The following RIMS1 variants were observed in gnomAD, a reference collection of about 807,000 sequenced individuals.
The protein encoded by RIMS1 is regulating synaptic membrane exocytosis protein 1.
A neutral mutation model predicts 214.1 loss-of-function variants in RIMS1; 83 were observed. The ratio of observed to expected loss-of-function variants is 0.39; its 90% confidence interval spans 0.32 to 0.47. The LOEUF is 0.47. RIMS1 is among the 20% of genes least tolerant of loss of function. RIMS1 has a pLI of 0.99. For synonymous variants in RIMS1, 793 were observed against 786.8 expected (o/e 1.01, Z -0.13); for missense variants, 2,050 against 2,161.8 (o/e 0.95, Z 1.03).
At chr6:72,390,532 T>A (rs2098686352) in intron 29 of RIMS1, 66 bp from the exon 30 acceptor site, 17 of 1,435,690 alleles carry the variant, frequency 1.2e-5, no homozygotes, top group Non-Finnish European at 1.6e-5. Flanking sequence ...ATTTGCAGGA[T>A]CAATTGATAT....
At chr6:72,098,289 C>CTTTTTT (rs58934201) in intron 3 of RIMS1, among the ~76,000 whole-genome samples, 3 of 143,342 alleles carry the variant, frequency 2.1e-5, no homozygotes, top group Non-Finnish European at 3.0e-5. Context: ...ATCAATATAT[C>CTTTTTT]TTTTTTTTTT....
At chr6:72,072,170 T>A (rs2152306937) in intron 2 of RIMS1, among the ~76,000 whole-genome samples, 1 of 152,282 alleles carries the variant, frequency 6.6e-6, no homozygotes, top group South Asian at 2.1e-4. Context: ...TTAGATTAAA[T>A]TACACCTAAA....
At chr6:72,238,900 A>G (rs2154102629) in intron 9 of RIMS1, among the ~76,000 whole-genome samples, 1 of 152,232 alleles carries the variant, frequency 6.6e-6, no homozygotes, top group Non-Finnish European at 1.5e-5. Flanking sequence ...TCAGTTCAAA[A>G]TCATTTTCAT....
intron 29 of RIMS1, among the ~76,000 whole-genome samples, chr6:72,360,308 A>G (rs190069893): frequency 6.6e-6 from 1 of 152,324 alleles, no homozygotes; most frequent in East Asian, 1.9e-4. Flanking sequence ...ACAAGTTTCT[A>G]TTTTCATAAA....
rs545207939 is a variant in RIMS1 at position 72,113,814 on chromosome 6, G to T, written c.471+13828G>T. Among the ~76,000 whole-genome samples, 3 of 152,154 alleles carry T rather than the reference G, an allele frequency of 2.0e-5. No homozygotes were observed. In the South Asian group the frequency reaches 6.2e-4, roughly 31 times the overall value. ...GAAAATACACAGCAAAAATGCAAATGATATTGAAATATCAAATAAAAATAT... is the reference window on the plus strand; with the variant it reads ...GAAAATACACAGCAAAAATGCAAATTATATTGAAATATCAAATAAAAATAT... On this transcript the variant is annotated intron_variant, in intron 4 of 33. Coordinates refer to ENST00000521978, the MANE Select transcript of RIMS1 (RefSeq NM_014989.7).
At chr6:72,315,809 C>A (rs1563956154) in intron 28 of RIMS1, among the ~76,000 whole-genome samples, 5 of 152,108 alleles carry the variant, frequency 3.3e-5, no homozygotes, top group Admixed American at 1.3e-4. Context: ...AAAATGACAT[C>A]AGCATAAAAG....
At chr6:71,913,738 C>T (rs559632322) in intron 1 of RIMS1, among the ~76,000 whole-genome samples, 1 of 152,140 alleles carries the variant, frequency 6.6e-6, no homozygotes, top group South Asian at 2.1e-4. Flanking sequence ...GGAATCATTT[C>T]CCAATCTGTG....
At chr6:72,216,514 T>C (rs886499200) in intron 6 of RIMS1, 1 of 985,388 alleles carries the variant, frequency 1.0e-6, no homozygotes, top group African/African-American at 1.7e-5. Context: ...TTATGCTTTC[T>C]GGTGCCAGTT....
chr6:72,377,386 A>AGGGG (rs2098408967), intron 29 of RIMS1, among the ~76,000 whole-genome samples: 1 of 152,132 alleles, frequency 6.6e-6, no homozygotes. Context: ...TGAGGCAGGA[A>AGGGG]ATTCTAGGAT....
intron 29 of RIMS1, among the ~76,000 whole-genome samples, chr6:72,339,146 G>A (rs1329828577): frequency 5.3e-5 from 8 of 151,838 alleles, no homozygotes; most frequent in Non-Finnish European, 7.4e-5. Flanking sequence ...AGGAAAGGAC[G>A]AGAATCATTC....
At chr6:72,216,021 C>T (rs150456768) in intron 6 of RIMS1, among the ~76,000 whole-genome samples, 3 of 152,302 alleles carry the variant, frequency 2.0e-5, no homozygotes, top group African/African-American at 7.2e-5. Flanking sequence ...AAAGTAGAAG[C>T]AGTCCACCTT....
intron 2 of RIMS1, among the ~76,000 whole-genome samples, chr6:72,006,610 C>T (rs368645839): frequency 1.6e-4 from 25 of 152,288 alleles, no homozygotes; most frequent in African/African-American, 3.4e-4. Context: ...CCTGGAAAAT[C>T]GGGTCACTCC....
intron 2 of RIMS1, among the ~76,000 whole-genome samples, chr6:71,992,394 T>TTCTCTC (rs377623445): frequency 1.0e-4 from 10 of 98,014 alleles, no homozygotes; most frequent in South Asian, 3.3e-4. Flanking sequence ...GCTTCTTTCT[T>TTCTCTC]TCTCTCTCTC....
intron 29 of RIMS1, among the ~76,000 whole-genome samples, chr6:72,377,533 G>A (rs1416060761): frequency 6.6e-6 from 1 of 152,146 alleles, no homozygotes; most frequent in African/African-American, 2.4e-5. Flanking sequence ...GGTAAGATAA[G>A]AAGAGGGCAG....
chr6:72,179,487 TC>T (rs2048160830), intron 4 of RIMS1, 87 bp from the exon 5 acceptor site: 1 of 1,097,174 alleles, frequency 9.1e-7, no homozygotes, highest in African/African-American at 1.6e-5. Flanking sequence ...TGAATACTGT[TC>T]TTTTTTTCTT....
At chr6:71,941,437 T>C (rs1289936130) in intron 1 of RIMS1, among the ~76,000 whole-genome samples, 1 of 152,230 alleles carries the variant, frequency 6.6e-6, no homozygotes, top group Non-Finnish European at 1.5e-5. Flanking sequence ...TGTTCTGTTA[T>C]TGTTTCACAT....
chr6:72,260,925 G>A, intron 19 of RIMS1, 158 bp downstream of exon 19: 1 of 1,477,320 alleles, frequency 6.8e-7, no homozygotes, highest in Non-Finnish European at 9.0e-7. Flanking sequence ...TTATGGAAAA[G>A]GTTCCAAATA....
intron 29 of RIMS1, among the ~76,000 whole-genome samples, chr6:72,362,032 G>A (rs796647364): frequency 1.7e-4 from 24 of 142,568 alleles, no homozygotes; most frequent in Middle Eastern, 3.5e-3. Flanking sequence ...TAATTTTTTC[G>A]CCCAAATTAA....
intron 15 of RIMS1, among the ~76,000 whole-genome samples, chr6:72,252,401 GC>G (rs1381595229): frequency 1.3e-5 from 2 of 152,052 alleles, no homozygotes; most frequent in Non-Finnish European, 2.9e-5. Flanking sequence ...TTTCCACTCA[GC>G]CCTATTCTCT....
Sources: allele counts gnomAD v4.1 joint callset (sites outside exome capture counted in the v4.1 genomes callset), GRCh38; gene constraint gnomAD v4.1.1; transcripts MANE v1.5; gene names NCBI Gene and HGNC (gene_info 2026-07-23, HGNC 2026-07-21).